Variants in MARCHF1 observed in about 807,000 individuals in gnomAD.
MARCHF1 encodes E3 ubiquitin-protein ligase MARCHF1.
A neutral mutation model predicts 54.2 loss-of-function variants in MARCHF1; 40 were observed. That is an observed-to-expected ratio of 0.74 (90% CI 0.57 to 0.96). The LOEUF (loss-of-function observed/expected upper bound fraction) is 0.96. MARCHF1 is among the 40% of genes least tolerant of loss of function. The pLI, the probability that MARCHF1 is intolerant of heterozygous loss-of-function variation, is 0.00. For synonymous variants in MARCHF1, 236 were observed against 236.3 expected (o/e 1.00, Z 0.01); for missense variants, 586 against 656.5 (o/e 0.89, Z 1.17).
At chr4:163,671,162 T>A (rs1743723062) in intron 5 of MARCHF1, among the ~76,000 whole-genome samples, 1 of 152,204 alleles carries the variant, frequency 6.6e-6, no homozygotes. Flanking sequence ...TATAAATGGA[T>A]GAGATGAATG....
At chr4:163,777,684 G>A (rs1286869591) in intron 4 of MARCHF1, among the ~76,000 whole-genome samples, 4 of 152,068 alleles carry the variant, frequency 2.6e-5, no homozygotes, top group African/African-American at 9.7e-5. Flanking sequence ...AGGCACAAGA[G>A]TCAAGCCTAC....
At chr4:164,346,844 T>C (rs949167494) in intron 1 of MARCHF1, among the ~76,000 whole-genome samples, 1 of 151,974 alleles carries the variant, frequency 6.6e-6, no homozygotes, top group Non-Finnish European at 1.5e-5. Flanking sequence ...ATATACTTTA[T>C]AGCGATTTTC....
At chr4:164,361,158 C>T (rs987497781) in intron 1 of MARCHF1, among the ~76,000 whole-genome samples, 4 of 151,876 alleles carry the variant, frequency 2.6e-5, no homozygotes, top group Non-Finnish European at 5.9e-5. Context: ...GTTTTAATCC[C>T]GACTCTACTC....
intron 8 of MARCHF1, among the ~76,000 whole-genome samples, chr4:163,571,629 C>CT (rs1467515381): frequency 1.3e-5 from 2 of 152,096 alleles, no homozygotes; most frequent in African/African-American, 4.8e-5. Flanking sequence ...AAAAATACTC[C>CT]TTCAAAATAT....
intron 1 of MARCHF1, among the ~76,000 whole-genome samples, chr4:164,125,726 G>C (rs1756165875): frequency 6.6e-6 from 1 of 152,194 alleles, no homozygotes; most frequent in African/African-American, 2.4e-5. Flanking sequence ...TGCACAGCAG[G>C]AAGTGAGCAG....
At chr4:163,989,578 G>A (rs929901525) in intron 2 of MARCHF1, among the ~76,000 whole-genome samples, 1 of 152,086 alleles carries the variant, frequency 6.6e-6, no homozygotes, top group African/African-American at 2.4e-5. Context: ...CCTCTCAAAA[G>A]TTATACAATT....
intron 1 of MARCHF1, among the ~76,000 whole-genome samples, chr4:164,279,110 GA>G (rs1001794695): frequency 0.016 from 2,192 of 140,954 alleles, 60 homozygotes; most frequent in African/African-American, 0.053. Context: ...TCTTAGGTCA[GA>G]AAAAAAAAAG....
chr4:163,743,131 G>C (rs1325295179), intron 4 of MARCHF1, among the ~76,000 whole-genome samples: 1 of 152,130 alleles, frequency 6.6e-6, no homozygotes, highest in East Asian at 1.9e-4. Context: ...AGAGCTACTG[G>C]GGGAAGAGGA....
intron 1 of MARCHF1, among the ~76,000 whole-genome samples, chr4:164,141,314 T>C (rs989587615): frequency 2.6e-5 from 4 of 152,212 alleles, no homozygotes; most frequent in African/African-American, 9.6e-5. Flanking sequence ...CTTTTTAATG[T>C]GATCAACCAA....
intron 2 of MARCHF1, among the ~76,000 whole-genome samples, chr4:164,074,042 A>T (rs1754923193): frequency 6.6e-6 from 1 of 152,166 alleles, no homozygotes; most frequent in Non-Finnish European, 1.5e-5. Flanking sequence ...TTGCCCTAAC[A>T]ATAAGCAGTA....
At chr4:163,644,296 T>C (rs13147152) in intron 5 of MARCHF1, among the ~76,000 whole-genome samples, 51,043 of 151,950 alleles carry the variant, frequency 0.34, 9,367 homozygotes, top group Non-Finnish European at 0.42. Flanking sequence ...AAGTAGGAGT[T>C]TGTGAAACCC....
rs1738499481 is a variant in MARCHF1 at position 163,535,541 on chromosome 4, A to T, written c.1340-6495T>A. Among the ~76,000 whole-genome samples the T allele has an allele frequency of 1.3e-5, 2 of 152,140 alleles. 1 individual carries two copies. The highest frequency in any genetic ancestry group is 4.1e-4 in the South Asian group (2 of 4,832). On this transcript the variant is annotated intron_variant, in intron 9 of 9. Transcript: ENST00000514618. ...AAATACTCCAAGGCAAAGTCTTCAT[A>T]AGTGATTTAAAGAGTTCTGAAGAAT... is the stretch of plus-strand genomic sequence containing the variant.
intron 1 of MARCHF1, among the ~76,000 whole-genome samples, chr4:164,201,242 A>G (rs2163393): frequency 6.7e-6 from 1 of 149,968 alleles, no homozygotes; most frequent in Admixed American, 7.0e-5. Flanking sequence ...TTGTTTTGGG[A>G]TGGAGTCTCG....
rs187610733 is a variant in MARCHF1, at chr4:163,825,638, G to A, written c.111+28383C>T. On this transcript the variant is annotated intron_variant, in intron 4 of 9. Coordinates refer to ENST00000514618, the MANE Select transcript of MARCHF1 (RefSeq NM_001394959.1). ...TTTACCTTTTAATAGTAGCCATTCTGACTAGTGTAAGATGGTATCTCATTA... is the reference window on the plus strand; with the variant it reads ...TTTACCTTTTAATAGTAGCCATTCTAACTAGTGTAAGATGGTATCTCATTA... 1.4e-4 allele frequency among the ~76,000 whole-genome samples: 21 copies of A among 152,018 alleles called. No homozygotes were observed. The East Asian group carries it at 2.5e-3, about 18-fold the overall frequency.
chr4:164,350,868 G>C (rs192757562), intron 1 of MARCHF1, among the ~76,000 whole-genome samples: 1 of 151,974 alleles, frequency 6.6e-6, no homozygotes, highest in Non-Finnish European at 1.5e-5. Flanking sequence ...CATCTCACTA[G>C]GGAGTGCCAG....
intron 1 of MARCHF1, among the ~76,000 whole-genome samples, chr4:164,277,971 A>T (rs775146115): frequency 6.6e-5 from 10 of 152,252 alleles, no homozygotes; most frequent in Non-Finnish European, 1.3e-4. Context: ...ATTAAGGAGC[A>T]CAGCTATGAA....
intron 1 of MARCHF1, among the ~76,000 whole-genome samples, chr4:164,157,119 T>C (rs990582532): frequency 6.6e-6 from 1 of 152,062 alleles, no homozygotes; most frequent in Admixed American, 6.6e-5. Context: ...TATTTATTTC[T>C]CCATAGATGG....
chr4:164,026,166 C>G (rs1753762543), intron 2 of MARCHF1, among the ~76,000 whole-genome samples: 1 of 152,022 alleles, frequency 6.6e-6, no homozygotes, highest in East Asian at 1.9e-4. Context: ...ACAAAGAAGA[C>G]CTGGTACCAA....
intron 7 of MARCHF1, among the ~76,000 whole-genome samples, chr4:163,590,497 T>A (rs1740557305): frequency 6.6e-6 from 1 of 152,124 alleles, no homozygotes; most frequent in African/African-American, 2.4e-5. Flanking sequence ...GTTCCTTCCA[T>A]CAGGAAATCA....
Sources: allele counts gnomAD v4.1 joint callset (sites outside exome capture counted in the v4.1 genomes callset), GRCh38; gene constraint gnomAD v4.1.1; transcripts MANE v1.5; gene names NCBI Gene and HGNC (gene_info 2026-07-23, HGNC 2026-07-21).